Variants in GLRB observed in about 807,000 individuals in gnomAD.
GLRB encodes glycine receptor beta, also known as glycine receptor subunit beta.
GLRB carries 33 observed loss-of-function variants against 54.2 expected under a neutral mutation model. The observed-to-expected ratio is 0.61, with a 90% CI of 0.46 to 0.81. The LOEUF (loss-of-function observed/expected upper bound fraction) is 0.81. GLRB is among the 40% of genes least tolerant of loss of function. GLRB has a pLI of 0.00. For synonymous variants in GLRB, 209 were observed against 208.2 expected (o/e 1.00, Z -0.03); for missense variants, 572 against 584.6 (o/e 0.98, Z 0.22).
intron 9 of GLRB, among the ~76,000 whole-genome samples, chr4:157,155,199 A>C (rs145009473): frequency 0.011 from 1,726 of 152,184 alleles, 35 homozygotes; most frequent in African/African-American, 0.039. Context: ...GTGTGATCTC[A>C]GCTCATGCAA....
At chr4:157,169,089 A>T (rs1159068922) in intron 9 of GLRB, among the ~76,000 whole-genome samples, 1 of 152,130 alleles carries the variant, frequency 6.6e-6, no homozygotes, top group Non-Finnish European at 1.5e-5. Context: ...TGTGAGGTAT[A>T]GTGTTTTTAA....
intron 4 of GLRB, among the ~76,000 whole-genome samples, chr4:157,134,773 A>T (rs1736340238): frequency 6.6e-6 from 1 of 152,166 alleles, no homozygotes; most frequent in Non-Finnish European, 1.5e-5. Flanking sequence ...TGATAAGAAA[A>T]ATACAATGAA....
chr4:157,111,994 G>A (rs1198848136), intron 2 of GLRB, among the ~76,000 whole-genome samples: 1 of 151,466 alleles, frequency 6.6e-6, no homozygotes, highest in Non-Finnish European at 1.5e-5. Context: ...TTCTTCCTGG[G>A]CTATTTATTC....
chr4:157,097,416 T>G (rs545370380), intron 2 of GLRB, among the ~76,000 whole-genome samples: 24 of 152,308 alleles, frequency 1.6e-4, no homozygotes, highest in African/African-American at 5.1e-4. Flanking sequence ...AATAAACACC[T>G]ATGTATTAAC....
intron 4 of GLRB, among the ~76,000 whole-genome samples, chr4:157,135,468 C>G (rs1736364911): frequency 1.3e-5 from 2 of 152,076 alleles, no homozygotes; most frequent in Non-Finnish European, 2.9e-5. Context: ...GGTCATTTCC[C>G]TGTTGTTCTT....
intron 7 of GLRB, among the ~76,000 whole-genome samples, chr4:157,140,919 T>C (rs1170831064): frequency 6.6e-6 from 1 of 151,890 alleles, no homozygotes; most frequent in African/African-American, 2.4e-5. Flanking sequence ...TATAATAGCT[T>C]TGAAAGTCCT....
chr4:157,137,349 T>C (rs1027159796), intron 6 of GLRB, among the ~76,000 whole-genome samples: 3 of 152,094 alleles, frequency 2.0e-5, no homozygotes, highest in African/African-American at 7.2e-5. Flanking sequence ...TTTTTATGTT[T>C]AATTGATCAT....
intron 9 of GLRB, among the ~76,000 whole-genome samples, chr4:157,163,238 G>A (rs1398633724): frequency 6.6e-6 from 1 of 152,112 alleles, no homozygotes; most frequent in Non-Finnish European, 1.5e-5. Context: ...ATCTGTCACA[G>A]CTTCCCTTTG....
chr4:157,170,440 G>T lies in GLRB; in HGVS notation c.1206G>T (p.Glu402Asp). The T allele has an allele frequency of 6.3e-7, 1 of 1,584,588 alleles. No individual in the cohort carries two copies. The highest frequency in any genetic ancestry group is 2.2e-5 in the East Asian group (1 of 44,716). Reference sequence around the variant, plus strand: ...TCAATATTTATTCTTAGGTTGGTGAGACCAGATGCAAAAAAGTTTGTACTT... The same window carrying T: ...TCAATATTTATTCTTAGGTTGGTGATACCAGATGCAAAAAAGTTTGTACTT... ...PVHISTLQVG[E>D]TRCKKVCTSK... Residue 402 changes from glutamate to aspartate, a missense_variant, in exon 10 of 10, where the codon GAG becomes GAT. By Grantham distance (45) the Glu-to-Asp change is conservative. Transcript: ENST00000264428.
chr4:157,147,495 T>A (rs537515785), intron 8 of GLRB, among the ~76,000 whole-genome samples: 64 of 152,254 alleles, frequency 4.2e-4, no homozygotes, highest in Admixed American at 1.2e-3. Context: ...TTAGTATACA[T>A]AACTCATTGG....
intron 4 of GLRB, among the ~76,000 whole-genome samples, chr4:157,125,615 C>T (rs1735988912): frequency 6.6e-6 from 1 of 151,666 alleles, no homozygotes; most frequent in African/African-American, 2.4e-5. Flanking sequence ...TCCTAGAAAT[C>T]TCCCCTACAA....
chr4:157,154,423 CTTTTTTTTT>C (rs778002566), intron 9 of GLRB, among the ~76,000 whole-genome samples: 1 of 103,462 alleles, frequency 9.7e-6, no homozygotes, highest in African/African-American at 4.1e-5. Context: ...CTTCTTTTTC[CTTTTTTTTT>C]TTTTTTTTTT....
Position 157,122,382 on chromosome 4 carries a change from T to C in GLRB, c.282T>C (p.Ile94=). 1 of 1,264,348 alleles carries C rather than the reference T, an allele frequency of 7.9e-7. No individual in the cohort carries two copies. The highest frequency in any genetic ancestry group is 1.1e-6 in the Non-Finnish European group (1 of 873,378). The allele number at this position is 1,264,348 out of a possible 1,614,324, so 78.3% of individuals were successfully genotyped here. ...VNIFINSFGS[I]QETTMDYRVN... The stretch of plus-strand genomic sequence containing the variant: ...TTTTTATTAACAGTTTTGGATCCAT[T>C]CAAGAAACAACAATGGTAAGATTGC... The change falls in exon 4 of 10, where the codon ATT becomes ATC. Residue 94 remains isoleucine (I), a synonymous_variant. Coordinates refer to ENST00000264428, the MANE Select transcript of GLRB (RefSeq NM_000824.5).
In GLRB at chr4:157,162,206, A is replaced by G. The variant is rs1737525250; in HGVS notation, c.1198-8226A>G. 2.6e-5 allele frequency among the ~76,000 whole-genome samples: 4 copies of G among 152,034 alleles called. No homozygotes were observed. The South Asian group carries it at 8.3e-4, about 32-fold the overall frequency. On this transcript the variant is annotated intron_variant, in intron 9 of 9. Coordinates refer to ENST00000264428, the MANE Select transcript of GLRB (RefSeq NM_000824.5). The stretch of plus-strand genomic sequence containing the variant: ...TCAGGTCATTTAAGGATTTCTCTAC[A>G]CTGTTTATTTCAGTTAACCATTCAT...
chr4:157,114,936 C>T (rs867979712), intron 2 of GLRB, among the ~76,000 whole-genome samples: 2 of 151,614 alleles, frequency 1.3e-5, no homozygotes, highest in African/African-American at 4.8e-5. Flanking sequence ...TTACTCTTTC[C>T]GCACCCCCCT....
chr4:157,117,605 T>G (rs1182424323), intron 2 of GLRB, among the ~76,000 whole-genome samples: 1 of 151,588 alleles, frequency 6.6e-6, no homozygotes, highest in Non-Finnish European at 1.5e-5. Flanking sequence ...ATTCTGAGGG[T>G]GGGGGAAGTC....
intron 2 of GLRB, among the ~76,000 whole-genome samples, chr4:157,091,868 C>T (rs915983196): frequency 2.6e-5 from 4 of 152,162 alleles, no homozygotes; most frequent in African/African-American, 4.8e-5. Context: ...TTTGTCCTGT[C>T]CTTTCCCCCT....
In GLRB at chr4:157,078,016, G is replaced by GT. The variant is rs1734099637; in HGVS notation, c.-5dup. ...TGTAGATCGATCTTCTGAAATTCAAGTTTTCAAGATGAAGTTTTTATTGAC... is the reference window on the plus strand; with the variant it reads ...TGTAGATCGATCTTCTGAAATTCAAGTTTTTCAAGATGAAGTTTTTATTGAC... On this transcript the variant is annotated 5_prime_UTR_variant, in exon 2 of 10. Coordinates refer to ENST00000264428, the MANE Select transcript of GLRB (RefSeq NM_000824.5). 1.2e-6 allele frequency: 2 copies of GT among 1,606,464 alleles called. No individual in the cohort carries two copies. The highest frequency in any genetic ancestry group is 1.7e-6 in the Non-Finnish European group (2 of 1,174,198).
At chr4:157,140,956 G>A (rs190362376) in intron 7 of GLRB, among the ~76,000 whole-genome samples, 1 of 151,424 alleles carries the variant, frequency 6.6e-6, no homozygotes, top group Non-Finnish European at 1.5e-5. Context: ...TCACTTTTAA[G>A]CTCTACATTA....
Sources: gnomAD v4.1 joint callset for allele counts (sites outside exome capture counted in the v4.1 genomes callset) on GRCh38, gnomAD v4.1.1 for gene constraint, MANE v1.5 for transcripts, NCBI Gene and HGNC (gene_info 2026-07-23, HGNC 2026-07-21) for gene names.